GFRAL: variants seen among roughly 807,000 people sequenced by gnomAD.
The protein encoded by GFRAL is GDNF family receptor alpha-like.
In GFRAL, 36 loss-of-function variants were observed where a neutral mutation model predicts 45.4. The ratio of observed to expected loss-of-function variants is 0.79; its 90% CI spans 0.61 to 1.05. The LOEUF is 1.05. GFRAL is among the 50% of genes least tolerant of loss of function. The pLI, the probability that GFRAL is intolerant of heterozygous loss-of-function variation, is 0.00. For missense variants in GFRAL, 507 were observed against 467.5 expected, an observed-to-expected ratio of 1.08 and a Z score of -0.78; for synonymous variants, 166 against 154.1, an observed-to-expected ratio of 1.08 and a Z score of -0.57.
At chr6:55,346,380 T>C (rs1768042172) in intron 3 of GFRAL, among the ~76,000 whole-genome samples, 1 of 152,184 alleles carries the variant, frequency 6.6e-6, no homozygotes. Context: ...GATGAGTTCA[T>C]GTCCTTTGTA....
chr6:55,389,002 T>C (rs1768714385), intron 6 of GFRAL, among the ~76,000 whole-genome samples: 1 of 152,208 alleles, frequency 6.6e-6, no homozygotes, highest in South Asian at 2.1e-4. Context: ...TTTCTCTTTT[T>C]CATTTCCAAA....
intron 5 of GFRAL, among the ~76,000 whole-genome samples, chr6:55,355,787 T>C (rs969888700): frequency 6.6e-6 from 1 of 151,952 alleles, no homozygotes; most frequent in African/African-American, 2.4e-5. Context: ...GTAGGCATCC[T>C]TGTCTCATTA....
chr6:55,354,382 A>G (rs1308481968), intron 5 of GFRAL, among the ~76,000 whole-genome samples: 1 of 151,902 alleles, frequency 6.6e-6, no homozygotes, highest in Non-Finnish European at 1.5e-5. Context: ...GCACTCAAAA[A>G]ACGTCATCTC....
At position 55,350,276 on chromosome 6, in the gene GFRAL, A is replaced by C. The variant is rs1768098760; in HGVS notation, c.370+131A>C. ...GGTTTAACAGTTCTAATATAATAAA[A>C]TGCAGCAAAATCATTTCATTTCTTT... On this transcript the variant is annotated intron_variant, in intron 4 of 8. Coordinates refer to ENST00000340465, the MANE Select transcript of GFRAL (RefSeq NM_207410.2). The C allele has an allele frequency of 2.0e-5, 12 of 587,288 alleles. No homozygotes were observed. The East Asian group carries it at 3.5e-4, about 17-fold the overall frequency. 36.4% of individuals were successfully genotyped at this position (587,288 alleles called of 1,614,324 possible). A position where few individuals can be genotyped will look rare whatever the true frequency, so the allele number is the denominator to read the frequency against.
intron 6 of GFRAL, among the ~76,000 whole-genome samples, chr6:55,384,607 G>A (rs775910087): frequency 6.6e-6 from 1 of 152,048 alleles, no homozygotes; most frequent in African/African-American, 2.4e-5. Context: ...TTTTTGCTTC[G>A]CACTGGGTAA....
chr6:55,334,995 A>ACATACAAGATTCAGACAAACATAAGCTC (rs1348171929), intron 3 of GFRAL, among the ~76,000 whole-genome samples: 1 of 152,208 alleles, frequency 6.6e-6, no homozygotes, highest in Admixed American at 6.5e-5. Flanking sequence ...ATAAATATTC[A>ACATACAAGATTCAGACAAACATAAGCTC]CATACAAGAT....
intron 6 of GFRAL, among the ~76,000 whole-genome samples, chr6:55,396,922 C>T (rs1581762705): frequency 6.7e-6 from 1 of 149,334 alleles, no homozygotes. Flanking sequence ...TGTTTTCACC[C>T]AGGCTGGAGT....
intron 3 of GFRAL, among the ~76,000 whole-genome samples, chr6:55,337,874 T>C (rs1424340129): frequency 6.6e-6 from 1 of 152,196 alleles, no homozygotes; most frequent in East Asian, 1.9e-4. Context: ...GATTTGATTT[T>C]AATGTGTTCT....
intron 2 of GFRAL, 106 bp from the exon 3 acceptor site, chr6:55,333,680 C>T: frequency 1.6e-6 from 1 of 611,926 alleles, no homozygotes; most frequent in South Asian, 5.3e-5. Context: ...ATAATCTTAC[C>T]ATATTAATTA....
intron 6 of GFRAL, among the ~76,000 whole-genome samples, chr6:55,368,426 C>T (rs1768397586): frequency 1.3e-5 from 2 of 152,044 alleles, no homozygotes; most frequent in African/African-American, 4.8e-5. Flanking sequence ...TCGTTTGAAG[C>T]CTTCTTCTCT....
intron 6 of GFRAL, among the ~76,000 whole-genome samples, chr6:55,366,059 C>A (rs914061277): frequency 4.0e-5 from 6 of 151,594 alleles, no homozygotes; most frequent in African/African-American, 1.5e-4. Flanking sequence ...GGCTGTGAAT[C>A]CATCTGGTCC....
At chr6:55,378,084 T>A (rs1325938311) in intron 6 of GFRAL, among the ~76,000 whole-genome samples, 1 of 152,024 alleles carries the variant, frequency 6.6e-6, no homozygotes, top group Non-Finnish European at 1.5e-5. Context: ...CTAGCCTTGA[T>A]TCCCTCAAAC....
At chr6:55,357,212 T>A (rs1242535386) in intron 5 of GFRAL, among the ~76,000 whole-genome samples, 1 of 151,974 alleles carries the variant, frequency 6.6e-6, no homozygotes, top group Non-Finnish European at 1.5e-5. Flanking sequence ...GTACATTTTA[T>A]CTATAGTGCA....
chr6:55,351,549 G>A lies in GFRAL; in HGVS notation c.667G>A (p.Val223Ile). 2 of 1,601,420 alleles carry A rather than the reference G, an allele frequency of 1.2e-6. No individual in the cohort carries two copies. Among genetic ancestry groups the A allele is most frequent in the Non-Finnish European group, 1.7e-6 (2 of 1,169,872 alleles). Residue 223 changes from valine to isoleucine, a missense_variant, in exon 5 of 9, where the codon GTA becomes ATA. Transcript: ENST00000340465. ...GGTTCCACCCCCTACTTGCCTCAGT[G>A]TAATTCGCAGCTGCCAAAATGATGA... ...NMVPPPTCLS[V>I]IRSCQNDELC... is the part of the protein sequence containing the mutation.
chr6:55,366,646 G>T (rs200844699), intron 6 of GFRAL, among the ~76,000 whole-genome samples: 5,222 of 119,366 alleles, frequency 0.044, 858 homozygotes, highest in East Asian at 0.35. Context: ...TTGTGTCTTT[G>T]TTCTGGTTGG....
intron 6 of GFRAL, among the ~76,000 whole-genome samples, chr6:55,392,424 G>A (rs1359288444): frequency 6.6e-6 from 1 of 152,154 alleles, no homozygotes; most frequent in South Asian, 2.1e-4. Flanking sequence ...TTGTTATGTG[G>A]ACATTTACAG....
intron 6 of GFRAL, among the ~76,000 whole-genome samples, chr6:55,382,903 T>G (rs1768629492): frequency 6.6e-6 from 1 of 151,966 alleles, no homozygotes; most frequent in Non-Finnish European, 1.5e-5. Context: ...TAAATACTAC[T>G]TTTTATCACA....
At chr6:55,346,932 A>G (rs917469630) in intron 3 of GFRAL, among the ~76,000 whole-genome samples, 3 of 150,636 alleles carry the variant, frequency 2.0e-5, no homozygotes, top group Non-Finnish European at 3.0e-5. Flanking sequence ...AACCTGTAAT[A>G]TTGGTGGTAA....
chr6:55,329,917 T>C (rs1176859305), intron 1 of GFRAL, among the ~76,000 whole-genome samples: 1 of 152,176 alleles, frequency 6.6e-6, no homozygotes, highest in African/African-American at 2.4e-5. Flanking sequence ...AGGTGATTCA[T>C]AATTAACAAC....
Sources: allele counts gnomAD v4.1 joint callset (sites outside exome capture counted in the v4.1 genomes callset), GRCh38; gene constraint gnomAD v4.1.1; transcripts MANE v1.5; gene names NCBI Gene and HGNC (gene_info 2026-07-23, HGNC 2026-07-21).